Variants in TNNI3K observed in about 807,000 individuals in gnomAD.
The protein encoded by TNNI3K is serine/threonine-protein kinase TNNI3K.
TNNI3K carries 140 observed loss-of-function variants against 114.5 expected under a neutral mutation model. The observed-to-expected ratio is 1.22, with a 90% CI of 1.07 to 1.41. The LOEUF (loss-of-function observed/expected upper bound fraction) is 1.41, where lower values mean the gene tolerates loss of function less well. Ranked by LOEUF, TNNI3K falls within the 40% of genes most tolerant of loss-of-function variation. TNNI3K has a pLI of 0.00. For synonymous variants in TNNI3K, 347 were observed against 347.5 expected, an observed-to-expected ratio of 1.00 and a Z score of 0.02; for missense variants, 1,125 against 1,007.6, an observed-to-expected ratio of 1.12 and a Z score of -1.58.
intron 23 of TNNI3K, among the ~76,000 whole-genome samples, chr1:74,517,901 G>C (rs541703735): frequency 6.6e-6 from 1 of 152,240 alleles, no homozygotes; most frequent in East Asian, 1.9e-4. Flanking sequence ...TTTCTAACCA[G>C]TTCCCAGGGG....
At chr1:74,430,055 A>T (rs993505949) in intron 17 of TNNI3K, among the ~76,000 whole-genome samples, 3 of 152,114 alleles carry the variant, frequency 2.0e-5, no homozygotes, top group Admixed American at 6.6e-5. Flanking sequence ...ATATTTATGA[A>T]TTTTTAAGTG....
At chr1:74,431,653 A>G (rs1665904520) in intron 17 of TNNI3K, among the ~76,000 whole-genome samples, 1 of 152,126 alleles carries the variant, frequency 6.6e-6, no homozygotes, top group South Asian at 2.1e-4. Context: ...AGTAAAATGT[A>G]GAGATTTGTT....
At chr1:74,367,404 G>T in intron 12 of TNNI3K, 62 bp downstream of exon 12, 3 of 1,567,728 alleles carry the variant, frequency 1.9e-6, no homozygotes, top group Non-Finnish European at 2.6e-6. Flanking sequence ...AGGTAAACCT[G>T]TGTTTCTGTT....
intron 2 of TNNI3K, among the ~76,000 whole-genome samples, chr1:74,242,701 C>G (rs1654318916): frequency 6.6e-6 from 1 of 152,080 alleles, no homozygotes; most frequent in Non-Finnish European, 1.5e-5. Context: ...CCCTCAAATC[C>G]AAAAGGAAAC....
At chr1:74,448,603 C>T (rs1170544681) in intron 20 of TNNI3K, among the ~76,000 whole-genome samples, 1 of 135,564 alleles carries the variant, frequency 7.4e-6, no homozygotes. Flanking sequence ...GTGGGTTTGT[C>T]ATAGATAGCT....
At chr1:74,441,824 TG>T (rs1446566804) in intron 20 of TNNI3K, among the ~76,000 whole-genome samples, 1 of 152,138 alleles carries the variant, frequency 6.6e-6, no homozygotes, top group Admixed American at 6.6e-5. Flanking sequence ...ATCATTTAGT[TG>T]TAAGAGTTCT....
intron 23 of TNNI3K, among the ~76,000 whole-genome samples, chr1:74,513,264 T>C (rs1190398578): frequency 6.6e-6 from 1 of 152,164 alleles, no homozygotes; most frequent in Non-Finnish European, 1.5e-5. Flanking sequence ...TGAGAAATTA[T>C]ACCGGGATGT....
Position 74,483,195 on chromosome 1 carries a change from G to T in TNNI3K, c.2122-5994G>T, listed in dbSNP as rs555199427. 5 of 706,342 alleles carry T rather than the reference G, an allele frequency of 7.1e-6. No homozygotes were observed. In the East Asian group the frequency reaches 1.3e-4, roughly 19 times the overall value. 43.8% of individuals were successfully genotyped at this position (706,342 alleles called of 1,614,324 possible). A position where few individuals can be genotyped will look rare whatever the true frequency, so the allele number is the denominator to read the frequency against. On this transcript the variant is annotated intron_variant, in intron 21 of 24. Coordinates refer to ENST00000326637, the MANE Select transcript of TNNI3K (RefSeq NM_015978.3). ...GAGCCCAGAGAACAGTCAGTACAAT[G>T]AAAGGTATGGCAACCAATTTTCCAG...
intron 5 of TNNI3K, among the ~76,000 whole-genome samples, chr1:74,318,851 A>G (rs1659457471): frequency 6.6e-6 from 1 of 152,252 alleles, no homozygotes; most frequent in Non-Finnish European, 1.5e-5. Context: ...TATTGATCTG[A>G]GCTGTTGCTC....
In TNNI3K at chr1:74,367,257, G is replaced by A. The variant is rs201190277; in HGVS notation, c.1179G>A (p.Gly393=). The A allele has an allele frequency of 1.9e-6, 3 of 1,611,712 alleles. No individual in the cohort carries two copies. The highest frequency in any genetic ancestry group is 1.7e-5 in the Admixed American group (1 of 59,836). ...TGTTCTTTGTATCTTTTCATAAAGG[G>A]CATGATGCCATTGTCACACTCCTGA... ...QTCLMWAYEK[G]HDAIVTLLKH... Residue 393 remains glycine, a splice_region_variant and synonymous_variant, in exon 12 of 25, where the codon GGG becomes GGA. Transcript: ENST00000326637.
At chr1:74,414,480 G>A (rs751000862) in intron 17 of TNNI3K, among the ~76,000 whole-genome samples, 1 of 152,140 alleles carries the variant, frequency 6.6e-6, no homozygotes, top group Non-Finnish European at 1.5e-5. Context: ...GAGTAGTGTT[G>A]ATGCCTTTTA....
At chr1:74,469,355 C>G (rs939810269) in intron 21 of TNNI3K, 2 of 152,356 alleles carry the variant, frequency 1.3e-5, no homozygotes, top group African/African-American at 4.8e-5. Context: ...TGAAACATAC[C>G]AATATGCATA....
chr1:74,500,563 C>T (rs1244980958), intron 23 of TNNI3K, among the ~76,000 whole-genome samples: 1 of 123,460 alleles, frequency 8.1e-6, no homozygotes, highest in Non-Finnish European at 1.6e-5. Flanking sequence ...GAGATCCCGC[C>T]ACTGCACTCC....
At chr1:74,439,260 A>G (rs946634750) in intron 19 of TNNI3K, 10 of 432,946 alleles carry the variant, frequency 2.3e-5, no homozygotes, top group Admixed American at 4.4e-5. Context: ...TGATCTTCCA[A>G]TGATTAAAAA....
chr1:74,328,067 ATGAAT>A (rs1301289518), intron 5 of TNNI3K, among the ~76,000 whole-genome samples: 2 of 152,140 alleles, frequency 1.3e-5, no homozygotes, highest in African/African-American at 2.4e-5. Flanking sequence ...TAAATGTTTG[ATGAAT>A]TGAATTATTT....
intron 5 of TNNI3K, among the ~76,000 whole-genome samples, chr1:74,286,371 A>G (rs1218150229): frequency 6.6e-6 from 1 of 151,936 alleles, no homozygotes; most frequent in East Asian, 1.9e-4. Flanking sequence ...GCTCATTCTA[A>G]TATCAGACCA....
chr1:74,445,914 C>T (rs1666644853), intron 20 of TNNI3K, among the ~76,000 whole-genome samples: 1 of 152,146 alleles, frequency 6.6e-6, no homozygotes, highest in African/African-American at 2.4e-5. Context: ...CCGGCCGTTC[C>T]ACATTTTCTT....
intron 20 of TNNI3K, among the ~76,000 whole-genome samples, chr1:74,440,613 C>G (rs985097056): frequency 7.2e-5 from 11 of 151,908 alleles, no homozygotes; most frequent in Non-Finnish European, 1.3e-4. Flanking sequence ...TTAATTACAC[C>G]CTGCATAGCA....
chr1:74,261,239 A>G (rs1655653725), intron 4 of TNNI3K, among the ~76,000 whole-genome samples: 1 of 152,004 alleles, frequency 6.6e-6, no homozygotes, highest in Non-Finnish European at 1.5e-5. Context: ...TTTGGCTCAC[A>G]TAAGCTACAG....
Sources: gnomAD v4.1 joint callset for allele counts (sites outside exome capture counted in the v4.1 genomes callset) on GRCh38, gnomAD v4.1.1 for gene constraint, MANE v1.5 for transcripts, NCBI Gene and HGNC (gene_info 2026-07-23, HGNC 2026-07-21) for gene names.